The following SLC22A23 variants were observed in gnomAD, a reference collection of about 807,000 sequenced individuals.
The protein encoded by SLC22A23 is ion transporter protein.
Under a neutral mutation model 61.0 loss-of-function variants are expected in SLC22A23, and 26 were observed. The observed-to-expected ratio is 0.43, with a 90% CI of 0.31 to 0.59. The LOEUF is 0.59. Among genes scored for constraint, SLC22A23 ranks in the 20% least tolerant of loss-of-function variants. The pLI is 0.11. For missense variants in SLC22A23, 796 were observed against 934.7 expected (o/e 0.85, Z 1.94); for synonymous variants, 430 against 413.9 (o/e 1.04, Z -0.47).
intron 3 of SLC22A23, among the ~76,000 whole-genome samples, chr6:3,350,916 T>C (rs143014885): frequency 6.6e-6 from 1 of 152,216 alleles, no homozygotes; most frequent in African/African-American, 2.4e-5. Context: ...CAAAGGGCAC[T>C]TGAATTTTTA....
chr6:3,393,249 G>T (rs953144811), intron 3 of SLC22A23, among the ~76,000 whole-genome samples: 1 of 152,198 alleles, frequency 6.6e-6, no homozygotes, highest in African/African-American at 2.4e-5. Context: ...CAGAGACAAT[G>T]CTTGGGGCTC....
chr6:3,335,230 G>C (rs776990529), intron 3 of SLC22A23, among the ~76,000 whole-genome samples: 4 of 152,164 alleles, frequency 2.6e-5, no homozygotes, highest in Non-Finnish European at 5.9e-5. Flanking sequence ...AGCAGTAAGA[G>C]GTCTTCCTCT....
intron 1 of SLC22A23, among the ~76,000 whole-genome samples, chr6:3,419,022 G>C (rs1250674447): frequency 6.6e-6 from 1 of 152,176 alleles, no homozygotes; most frequent in Non-Finnish European, 1.5e-5. Context: ...CTTGAAATTT[G>C]TTCACATTGC....
In SLC22A23 at chr6:3,273,204, G is replaced by A. The variant is rs199592727; in HGVS notation, c.1912C>T (p.Arg638Cys). Residue 638 changes from arginine (R) to cysteine (C), a missense_variant, in exon 10 of 10, where the codon CGC becomes TGC. Physicochemically the swap from Arg to Cys is radical, Grantham distance 180. Coordinates refer to ENST00000406686, the MANE Select transcript of SLC22A23 (RefSeq NM_015482.2). The stretch of plus-strand genomic sequence containing the variant: ...TTCTTGTGCGGCAGCAGCGGCTGGC[G>A]CGTGTAGTGCTCCCCGTTAGAAATG... ...ENISNGEHYT[R>C]QPLLPHKKGE... The A allele has an allele frequency of 2.5e-6, 4 of 1,613,148 alleles. No homozygotes were observed. The highest frequency in any genetic ancestry group is 1.1e-5 in the South Asian group (1 of 91,016).
Position 3,282,188 on chromosome 6 carries a change from T to G in SLC22A23, c.1703+1664A>C, listed in dbSNP as rs1296461657. 3 of 702,436 alleles carry G rather than the reference T, an allele frequency of 4.3e-6. No homozygotes were observed. The African/African-American group carries it at 5.2e-5, about 12-fold the overall frequency. The allele number at this position is 702,436 out of a possible 1,614,324, so 43.5% of individuals were successfully genotyped here. ...TCTGGTCTATTGAAAGACTTGGCTT[T>G]GCTGTTTTGTTTGATAAAGGAGAGA... On this transcript the variant is annotated intron_variant, in intron 9 of 9. Transcript: ENST00000406686.
Position 3,317,896 on chromosome 6 carries a change from C to T in SLC22A23, c.1082+5938G>A, listed in dbSNP as rs1046324951. Among the ~76,000 whole-genome samples the T allele has an allele frequency of 7.2e-5, 11 of 152,194 alleles. No individual in the cohort carries two copies. The highest frequency in any genetic ancestry group is 1.6e-4 in the Non-Finnish European group (11 of 68,040). ...TTCCTTCACCTAAAGCCCAGCCGAT[C>T]CTGCCATGGCCCAGAAGGCTCAACA... On this transcript the variant is annotated intron_variant, in intron 4 of 9. Coordinates refer to ENST00000406686, the MANE Select transcript of SLC22A23 (RefSeq NM_015482.2). The surrounding 1 kb of genome is among the most constrained non-coding windows in gnomAD (Gnocchi z 4.4).
intron 3 of SLC22A23, among the ~76,000 whole-genome samples, chr6:3,375,713 C>T (rs1442606909): frequency 6.6e-6 from 1 of 152,190 alleles, no homozygotes; most frequent in African/African-American, 2.4e-5. Context: ...AGCACTTCTG[C>T]AATTGGCCCC....
chr6:3,290,096 C>T (rs754974200), intron 5 of SLC22A23: 68 of 571,304 alleles, frequency 1.2e-4, no homozygotes, highest in Middle Eastern at 8.0e-4. Context: ...TGAGAGGGCA[C>T]CAAGGTGCAC....
chr6:3,404,606 C>A (rs1713816723), intron 3 of SLC22A23, among the ~76,000 whole-genome samples: 1 of 152,110 alleles, frequency 6.6e-6, no homozygotes, highest in Non-Finnish European at 1.5e-5. Context: ...GATGGCTCAC[C>A]CCTCCAGGCT....
rs987473626 is a variant in SLC22A23 at position 3,269,032 on chromosome 6, A to G, written c.*4023T>C. 1 of 152,296 alleles carries G rather than the reference A, an allele frequency of 6.6e-6. No individual in the cohort carries two copies. The highest frequency in any genetic ancestry group is 1.5e-5 in the Non-Finnish European group (1 of 68,020). 9.4% of individuals were successfully genotyped at this position (152,296 alleles called of 1,614,324 possible). A position where few individuals can be genotyped will look rare whatever the true frequency, so the allele number is the denominator to read the frequency against. On this transcript the variant is annotated 3_prime_UTR_variant, in exon 10 of 10. Transcript: ENST00000406686. ...ATTTTCGTTAAAAAATACATTAGAG[A>G]AGAGAGTTTTGGGTTACCAGTCTTT... is the stretch of plus-strand genomic sequence containing the variant.
At chr6:3,306,268 C>T (rs1460582270) in intron 4 of SLC22A23, among the ~76,000 whole-genome samples, 1 of 152,184 alleles carries the variant, frequency 6.6e-6, no homozygotes, top group African/African-American at 2.4e-5. Context: ...GACCCAAACA[C>T]CTCCCACCAG....
chr6:3,421,331 G>A (rs115057420), intron 1 of SLC22A23, among the ~76,000 whole-genome samples: 19 of 152,192 alleles, frequency 1.2e-4, no homozygotes, highest in Non-Finnish European at 2.4e-4. Context: ...TTTATCTCAA[G>A]TAAATTATCA....
At chr6:3,340,640 C>A (rs1324313473) in intron 3 of SLC22A23, among the ~76,000 whole-genome samples, 1 of 152,112 alleles carries the variant, frequency 6.6e-6, no homozygotes, top group Non-Finnish European at 1.5e-5. Flanking sequence ...TTCAAGGTCC[C>A]ATGTGAAAAA....
chr6:3,448,772 G>C (rs1220248310), intron 1 of SLC22A23, among the ~76,000 whole-genome samples: 1 of 152,190 alleles, frequency 6.6e-6, no homozygotes, highest in Admixed American at 6.5e-5. Context: ...GGGATTACAG[G>C]CGTGAGCAAC....
At chr6:3,445,069 T>C (rs765044318) in intron 1 of SLC22A23, 142 of 748,840 alleles carry the variant, frequency 1.9e-4, no homozygotes, top group Non-Finnish European at 2.2e-4. Flanking sequence ...GTCCTCACAA[T>C]GGCCCTCAAG....
At chr6:3,453,941 GAA>G (rs1191434434) in intron 1 of SLC22A23, among the ~76,000 whole-genome samples, 1 of 152,188 alleles carries the variant, frequency 6.6e-6, no homozygotes, top group African/African-American at 2.4e-5. Context: ...AGCAGCACAG[GAA>G]AAGTCTGCCT....
intron 1 of SLC22A23, among the ~76,000 whole-genome samples, chr6:3,449,014 G>A (rs1350093682): frequency 6.6e-6 from 1 of 152,220 alleles, no homozygotes; most frequent in Admixed American, 6.5e-5. Context: ...TGGAAAGGCT[G>A]CTTAACAGCT....
intron 9 of SLC22A23, chr6:3,282,290 T>C (rs1278686227): frequency 1.4e-6 from 1 of 702,596 alleles, no homozygotes; most frequent in South Asian, 1.5e-5. Flanking sequence ...AAGCACTAAA[T>C]AAGCTCCTGA....
chr6:3,435,893 A>T (rs2127544541), intron 1 of SLC22A23, among the ~76,000 whole-genome samples: 1 of 152,246 alleles, frequency 6.6e-6, no homozygotes, highest in Admixed American at 6.5e-5. Context: ...CAGAGGGAGG[A>T]CCACGTGGGG....
Sources: allele counts gnomAD v4.1 joint callset (sites outside exome capture counted in the v4.1 genomes callset), GRCh38; gene constraint gnomAD v4.1.1; non-coding constraint Gnocchi (gnomAD v3.1); transcripts MANE v1.5; gene names NCBI Gene and HGNC (gene_info 2026-07-23, HGNC 2026-07-21).